The following ZNF723 variants were observed in gnomAD, a reference collection of about 807,000 sequenced individuals.
The protein encoded by ZNF723 is zinc finger protein 723, also known as zinc finger protein 723, pseudogene.
A neutral mutation model predicts 9.4 loss-of-function variants in ZNF723; 5 were observed. The observed-to-expected ratio is 0.53, with a 90% CI of 0.28 to 1.12. ZNF723 has a LOEUF of 1.12. Ranked by LOEUF, ZNF723 falls within the 50% of genes most tolerant of loss-of-function variation. The pLI is 0.10. For synonymous variants in ZNF723, 158 were observed against 168.8 expected, an observed-to-expected ratio of 0.94 and a Z score of 0.49; for missense variants, 450 against 501.5, an observed-to-expected ratio of 0.90 and a Z score of 0.98.
chr19:22,858,495 C>G lies in ZNF723; in HGVS notation c.*62C>G. Reference sequence around the variant, plus strand: ...TAAAAGAAATGCTGGTGGCCAGGCACAGTAGCTTACGCCTGTAATCCCAGC... The same window carrying G: ...TAAAAGAAATGCTGGTGGCCAGGCAGAGTAGCTTACGCCTGTAATCCCAGC... On this transcript the variant is annotated 3_prime_UTR_variant, in exon 4 of 4. Transcript: ENST00000600766. 1.6e-6 allele frequency: 1 copy of G among 612,982 alleles called. No homozygotes were observed. Among genetic ancestry groups the G allele is most frequent in the Non-Finnish European group, 2.8e-6 (1 of 352,498 alleles). The allele number at this position is 612,982 out of a possible 1,614,324, so 38.0% of individuals were successfully genotyped here. A position where few individuals can be genotyped will look rare whatever the true frequency, so the allele number is the denominator to read the frequency against.
chr19:22,847,185 C>T (rs1327310406), intron 1 of ZNF723, among the ~76,000 whole-genome samples: 1 of 151,916 alleles, frequency 6.6e-6, no homozygotes, highest in Non-Finnish European at 1.5e-5. Flanking sequence ...AAGCAATTCC[C>T]CTGCCTCAGC....
chr19:22,833,705 G>T (rs1967127321), intron 1 of ZNF723, among the ~76,000 whole-genome samples: 1 of 151,078 alleles, frequency 6.6e-6, no homozygotes. Context: ...CACCTCCCGG[G>T]TTCAAGCGAT....
intron 1 of ZNF723, among the ~76,000 whole-genome samples, chr19:22,846,145 T>G (rs779156545): frequency 2.6e-5 from 4 of 152,006 alleles, no homozygotes; most frequent in African/African-American, 4.8e-5. Context: ...CACCATTAAT[T>G]TATGATCTGC....
chr19:22,841,368 G>GT (rs1400177728), intron 1 of ZNF723, among the ~76,000 whole-genome samples: 1 of 152,184 alleles, frequency 6.6e-6, no homozygotes, highest in Non-Finnish European at 1.5e-5. Context: ...TGGACTAACT[G>GT]TGGTGACTGT....
chr19:22,835,204 C>A (rs1245528723), intron 1 of ZNF723, among the ~76,000 whole-genome samples: 3 of 151,846 alleles, frequency 2.0e-5, no homozygotes, highest in Non-Finnish European at 2.9e-5. Context: ...CCACACCCAG[C>A]TAATTTTTGT....
intron 1 of ZNF723, among the ~76,000 whole-genome samples, chr19:22,842,085 A>G (rs909635236): frequency 3.9e-5 from 6 of 152,052 alleles, no homozygotes; most frequent in Admixed American, 3.3e-4. Context: ...GCTCACTGGA[A>G]CCTCCACCTC....
chr19:22,834,376 GTCTTTC>G (rs1418557794), intron 1 of ZNF723, among the ~76,000 whole-genome samples: 3 of 151,746 alleles, frequency 2.0e-5, no homozygotes, highest in Admixed American at 1.3e-4. Context: ...ATCTTTGTGT[GTCTTTC>G]TCTTTATCTT....
upstream of ZNF723, among the ~76,000 whole-genome samples, chr19:22,829,180 A>C (rs1967067246): frequency 6.6e-6 from 1 of 151,740 alleles, no homozygotes; most frequent in African/African-American, 2.4e-5. Context: ...CTCAGTAATA[A>C]ACAAACAAAC....
chr19:22,817,186 A>G, the ZNF723 span, among the ~76,000 whole-genome samples: 1 of 152,154 alleles, frequency 6.6e-6, no homozygotes, highest in Non-Finnish European at 1.5e-5. Flanking sequence ...TTTATTTATT[A>G]CTTAGGTGAT....
chr19:22,846,699 CAAAA>C (rs563035039), intron 1 of ZNF723, among the ~76,000 whole-genome samples: 106 of 149,916 alleles, frequency 7.1e-4, no homozygotes, highest in African/African-American at 2.4e-3. Context: ...CTAGGGTGCT[CAAAA>C]AAGACTCCTT....
intron 3 of ZNF723, among the ~76,000 whole-genome samples, chr19:22,850,271 C>T (rs1381120518): frequency 6.7e-6 from 1 of 149,854 alleles, no homozygotes; most frequent in African/African-American, 2.5e-5. Flanking sequence ...TAATGGCACC[C>T]TCTTGGCTCA....
At chr19:22,821,527 C>A in the ZNF723 span, among the ~76,000 whole-genome samples, 1 of 151,940 alleles carries the variant, frequency 6.6e-6, no homozygotes, top group East Asian at 1.9e-4. Context: ...CTGTGAAATA[C>A]TCCTGGGCCC....
intron 3 of ZNF723, among the ~76,000 whole-genome samples, chr19:22,855,734 C>A (rs1349895163): frequency 6.6e-6 from 1 of 152,104 alleles, no homozygotes; most frequent in Non-Finnish European, 1.5e-5. Context: ...CACACAGTTC[C>A]CTTCTGGCCT....
At chr19:22,829,708 CT>C (rs1967074010), upstream of ZNF723, among the ~76,000 whole-genome samples, 2 of 150,950 alleles carry the variant, frequency 1.3e-5, no homozygotes, top group African/African-American at 4.9e-5. Flanking sequence ...AATGCTGCCA[CT>C]TTCATGTTTA....
chr19:22,840,025 TC>T (rs1967221262), intron 1 of ZNF723, among the ~76,000 whole-genome samples: 1 of 152,200 alleles, frequency 6.6e-6, no homozygotes, highest in Non-Finnish European at 1.5e-5. Flanking sequence ...TAGTTGTTTG[TC>T]AGCAGCATAG....
chr19:22,856,506 T>C (rs892984005), intron 3 of ZNF723, among the ~76,000 whole-genome samples: 1 of 152,224 alleles, frequency 6.6e-6, no homozygotes, highest in Non-Finnish European at 1.5e-5. Flanking sequence ...GTTCTTATGA[T>C]GTGTCTTGTC....
the ZNF723 span, among the ~76,000 whole-genome samples, chr19:22,820,000 C>T: frequency 1.3e-5 from 2 of 152,140 alleles, no homozygotes; most frequent in Non-Finnish European, 1.5e-5. Flanking sequence ...ATGTGACTCT[C>T]CTTTTCTGCC....
intron 1 of ZNF723, among the ~76,000 whole-genome samples, chr19:22,838,476 C>T (rs139487418): frequency 0.021 from 3,226 of 151,892 alleles, 49 homozygotes; most frequent in Non-Finnish European, 0.032. Flanking sequence ...TGCTTGGACC[C>T]GGGAGGCGGA....
intron 1 of ZNF723, among the ~76,000 whole-genome samples, chr19:22,840,260 C>T (rs1967224573): frequency 6.6e-6 from 1 of 151,924 alleles, no homozygotes; most frequent in Non-Finnish European, 1.5e-5. Context: ...CAATCTCCGC[C>T]TCCTGGGTTC....
Sources: gnomAD v4.1 joint callset for allele counts (sites outside exome capture counted in the v4.1 genomes callset) on GRCh38, gnomAD v4.1.1 for gene constraint, MANE v1.5 for transcripts, NCBI Gene and HGNC (gene_info 2026-07-23, HGNC 2026-07-21) for gene names.